The following NALF1 variants were observed in gnomAD, a reference collection of about 807,000 sequenced individuals.
NALF1 encodes NALCN channel auxiliary factor 1.
In NALF1, 3 loss-of-function variants were observed where a neutral mutation model predicts 48.4. The ratio of observed to expected loss-of-function variants is 0.06; its 90% CI spans 0.03 to 0.16. NALF1 has a LOEUF of 0.16. Among genes scored for constraint, NALF1 ranks in the 10% least tolerant of loss-of-function variants. The probability of loss-of-function intolerance (pLI) is 1.00; values close to 1 mark genes in which losing one functional copy is unlikely to be tolerated. For missense variants in NALF1, 526 were observed against 571.5 expected (o/e 0.92, Z 0.81); for synonymous variants, 262 against 245.7 (o/e 1.07, Z -0.62).
At chr13:107,770,447 T>C (rs1594255459) in intron 1 of NALF1, among the ~76,000 whole-genome samples, 1 of 152,156 alleles carries the variant, frequency 6.6e-6, no homozygotes. Context: ...AACAAATTAT[T>C]CATAGAATAT....
At chr13:107,793,193 A>G (rs867522221) in intron 1 of NALF1, among the ~76,000 whole-genome samples, 1 of 152,328 alleles carries the variant, frequency 6.6e-6, no homozygotes, top group Middle Eastern at 3.4e-3. Flanking sequence ...TTTTAACTCA[A>G]AGTGATCCAG....
chr13:107,310,216 C>T (rs1471856577), intron 1 of NALF1, among the ~76,000 whole-genome samples: 4 of 152,032 alleles, frequency 2.6e-5, no homozygotes, highest in Admixed American at 1.3e-4. Context: ...TCAAGACCAG[C>T]CTCGCCAACA....
intron 1 of NALF1, among the ~76,000 whole-genome samples, chr13:107,782,111 C>T (rs1877908083): frequency 6.6e-6 from 1 of 152,212 alleles, no homozygotes; most frequent in South Asian, 2.1e-4. Flanking sequence ...CGAGCCGAAG[C>T]TGGACTGTAC....
At chr13:107,581,778 T>C (rs926105161) in intron 1 of NALF1, among the ~76,000 whole-genome samples, 1 of 152,180 alleles carries the variant, frequency 6.6e-6, no homozygotes, top group Admixed American at 6.5e-5. Flanking sequence ...GCAAATTGTA[T>C]CTATTTTTCT....
chr13:107,539,377 G>A (rs1202043926), intron 1 of NALF1, among the ~76,000 whole-genome samples: 1 of 151,866 alleles, frequency 6.6e-6, no homozygotes, highest in Non-Finnish European at 1.5e-5. Context: ...CCACGATAAT[G>A]AAACATGAAT....
intron 2 of NALF1, among the ~76,000 whole-genome samples, chr13:107,172,775 T>G (rs1035045878): frequency 6.6e-6 from 1 of 152,170 alleles, no homozygotes; most frequent in Non-Finnish European, 1.5e-5. Flanking sequence ...GTCCTTTAGA[T>G]CAACATTTTA....
At chr13:107,618,144 G>A (rs967073742) in intron 1 of NALF1, among the ~76,000 whole-genome samples, 3 of 151,946 alleles carry the variant, frequency 2.0e-5, no homozygotes, top group South Asian at 2.1e-4. Context: ...AAATAAGGTC[G>A]AAAGTAAGAC....
intron 1 of NALF1, among the ~76,000 whole-genome samples, chr13:107,330,550 C>T (rs756955809): frequency 1.3e-5 from 2 of 152,200 alleles, no homozygotes; most frequent in Non-Finnish European, 2.9e-5. Context: ...ATAAGGGACA[C>T]TGGATATTTT....
chr13:107,762,958 A>G (rs1467195404), intron 1 of NALF1, among the ~76,000 whole-genome samples: 1 of 152,144 alleles, frequency 6.6e-6, no homozygotes, highest in Non-Finnish European at 1.5e-5. Flanking sequence ...GACACAACCA[A>G]AATAGAAACA....
chr13:107,289,414 T>G (rs1881570467), intron 1 of NALF1, among the ~76,000 whole-genome samples: 1 of 152,206 alleles, frequency 6.6e-6, no homozygotes, highest in Non-Finnish European at 1.5e-5. Flanking sequence ...AAATACTCAT[T>G]GAAAGAGTTA....
At chr13:107,355,546 CG>C (rs1447792506) in intron 1 of NALF1, among the ~76,000 whole-genome samples, 1 of 151,936 alleles carries the variant, frequency 6.6e-6, no homozygotes, top group African/African-American at 2.4e-5. Flanking sequence ...AGGGACCTGG[CG>C]GGGGGTGAGT....
At chr13:107,724,310 T>C (rs1308964938) in intron 1 of NALF1, among the ~76,000 whole-genome samples, 1 of 151,906 alleles carries the variant, frequency 6.6e-6, no homozygotes, top group Non-Finnish European at 1.5e-5. Flanking sequence ...TTAACTCATA[T>C]TGCTAAAGTT....
At chr13:107,408,734 T>G (rs536023572) in intron 1 of NALF1, among the ~76,000 whole-genome samples, 1 of 152,266 alleles carries the variant, frequency 6.6e-6, no homozygotes, top group South Asian at 2.1e-4. Context: ...CACAAAGCCT[T>G]ATTCTACTGA....
In NALF1 at chr13:107,513,672, C is replaced by T. The variant is rs112398951; in HGVS notation, c.916-302917G>A. On this transcript the variant is annotated intron_variant, in intron 1 of 2. Transcript: ENST00000375915. ...AAGAGATCACAGATTCTCTTTTTCA[C>T]ATTGTCCCAGCACTAGCGCTGGCAG... Among the ~76,000 whole-genome samples, 319 of 152,302 alleles carry T rather than the reference C, an allele frequency of 2.1e-3. 1 individual carries two copies. Among genetic ancestry groups the T allele is most frequent in the African/African-American group, 7.5e-3 (312 of 41,564 alleles).
intron 1 of NALF1, among the ~76,000 whole-genome samples, chr13:107,837,701 A>T (rs56105452): frequency 0.17 from 25,821 of 151,976 alleles, 2,532 homozygotes; most frequent in East Asian, 0.34. Context: ...CCCAGGAGTC[A>T]GCGTGACATC....
intron 1 of NALF1, among the ~76,000 whole-genome samples, chr13:107,743,160 C>T (rs1876685909): frequency 6.6e-6 from 1 of 152,162 alleles, no homozygotes; most frequent in Admixed American, 6.5e-5. Context: ...AGCTGGGAGG[C>T]TAGGAGGTCT....
chr13:107,328,208 G>C (rs1882401900), intron 1 of NALF1, among the ~76,000 whole-genome samples: 1 of 151,550 alleles, frequency 6.6e-6, no homozygotes, highest in Admixed American at 6.6e-5. Flanking sequence ...GTGAGCCACA[G>C]TGCCTGGCTA....
chr13:107,634,863 G>A (rs1333905394), intron 1 of NALF1, among the ~76,000 whole-genome samples: 3 of 152,066 alleles, frequency 2.0e-5, no homozygotes, highest in Admixed American at 1.3e-4. Context: ...AATGGGAACT[G>A]GATATAATGA....
At chr13:107,542,054 C>A (rs1877014005) in intron 1 of NALF1, among the ~76,000 whole-genome samples, 1 of 151,710 alleles carries the variant, frequency 6.6e-6, no homozygotes, top group African/African-American at 2.4e-5. Context: ...ATTTGATATC[C>A]CAATGTAGGA....
Sources: gnomAD v4.1 joint callset for allele counts (sites outside exome capture counted in the v4.1 genomes callset) on GRCh38, gnomAD v4.1.1 for gene constraint, MANE v1.5 for transcripts, NCBI Gene and HGNC (gene_info 2026-07-23, HGNC 2026-07-21) for gene names.